KCNN3: variants seen among roughly 807,000 people sequenced by gnomAD.
KCNN3 encodes small conductance calcium-activated potassium channel protein 3.
In KCNN3, 16 loss-of-function variants were observed where a neutral mutation model predicts 62.9. The ratio of observed to expected loss-of-function variants is 0.25; its 90% confidence interval spans 0.17 to 0.39. KCNN3 has a LOEUF of 0.39. Ranked by LOEUF, KCNN3 falls within the 10% of genes least tolerant of loss-of-function variation. The pLI, the probability that KCNN3 is intolerant of heterozygous loss-of-function variation, is 1.00. For missense variants in KCNN3, 599 were observed against 949.4 expected, an observed-to-expected ratio of 0.63 and a Z score of 4.85; for synonymous variants, 370 against 389.2, an observed-to-expected ratio of 0.95 and a Z score of 0.58.
At chr1:154,771,262 G>A (rs1648548669) in intron 3 of KCNN3, among the ~76,000 whole-genome samples, 1 of 152,012 alleles carries the variant, frequency 6.6e-6, no homozygotes, top group South Asian at 2.1e-4. Flanking sequence ...TCTCTGTCAG[G>A]CCACATCTCC....
At chr1:154,766,337 C>T (rs899753650) in intron 3 of KCNN3, among the ~76,000 whole-genome samples, 2 of 148,080 alleles carry the variant, frequency 1.4e-5, no homozygotes, top group African/African-American at 5.0e-5. Context: ...TGAGCATGCC[C>T]TCCTCCATTA....
chr1:154,820,629 C>A (rs1477258183), intron 2 of KCNN3, among the ~76,000 whole-genome samples: 1 of 152,206 alleles, frequency 6.6e-6, no homozygotes, highest in Non-Finnish European at 1.5e-5. Flanking sequence ...GTCCTCCCTG[C>A]CTGTACTCCT....
At chr1:154,729,315 A>C (rs1306665690) in intron 4 of KCNN3, among the ~76,000 whole-genome samples, 1 of 152,106 alleles carries the variant, frequency 6.6e-6, no homozygotes, top group Non-Finnish European at 1.5e-5. Context: ...GCTCTGTCCA[A>C]CTTCCAGTTC....
At chr1:154,771,350 C>A (rs1048584921) in intron 3 of KCNN3, among the ~76,000 whole-genome samples, 1 of 152,168 alleles carries the variant, frequency 6.6e-6, no homozygotes, top group Non-Finnish European at 1.5e-5. Context: ...AAGTATGTTC[C>A]ATCAGTACAG....
rs976696529 is a variant in KCNN3, at chr1:154,814,354, G to A, written c.1029+7735C>T. Among the ~76,000 whole-genome samples the A allele has an allele frequency of 4.6e-5, 7 of 152,220 alleles. 1 individual carries two copies. Among genetic ancestry groups the A allele is most frequent in the Middle Eastern group, 3.2e-3 (1 of 316 alleles). On this transcript the variant is annotated intron_variant, in intron 2 of 7. Coordinates refer to ENST00000271915, the MANE Select transcript of KCNN3 (RefSeq NM_002249.6). Reference sequence around the variant, plus strand: ...CTCATGCCTTTGGGGGTCCAACAGTGAAACCAATACAGTCCCCACTGCCAT... The same window carrying A: ...CTCATGCCTTTGGGGGTCCAACAGTAAAACCAATACAGTCCCCACTGCCAT...
At chr1:154,867,860 G>T in intron 1 of KCNN3, 3 of 712,914 alleles carry the variant, frequency 4.2e-6, no homozygotes, top group Non-Finnish European at 5.2e-6. Flanking sequence ...GTATCGTGGA[G>T]CCACTTGTCC....
At chr1:154,732,848 C>T (rs1700625675) in intron 4 of KCNN3, among the ~76,000 whole-genome samples, 155 bp downstream of exon 4, 1 of 152,246 alleles carries the variant, frequency 6.6e-6, no homozygotes, top group African/African-American at 2.4e-5. Flanking sequence ...AGATTTCCCA[C>T]CTGACATTTT....
chr1:154,859,914 A>T (rs1652695512), intron 1 of KCNN3: 1 of 1,239,402 alleles, frequency 8.1e-7, no homozygotes, highest in African/African-American at 1.5e-5. Context: ...AAAATAACAG[A>T]TGCCAATTTG....
At chr1:154,755,951 G>A (rs1320979611) in intron 3 of KCNN3, among the ~76,000 whole-genome samples, 2 of 135,226 alleles carry the variant, frequency 1.5e-5, no homozygotes, top group African/African-American at 2.9e-5. Context: ...GGGAGGGGAG[G>A]AGGAGGAGGG....
intron 2 of KCNN3, among the ~76,000 whole-genome samples, chr1:154,820,399 C>G (rs1252512499): frequency 3.3e-5 from 5 of 152,246 alleles, no homozygotes; most frequent in Admixed American, 3.3e-4. Context: ...CTTCCTCAAG[C>G]CTGGGTCATA....
chr1:154,826,080 CAAA>C (rs1651112313), intron 1 of KCNN3, among the ~76,000 whole-genome samples: 1 of 14,606 alleles, frequency 6.8e-5, no homozygotes, highest in Non-Finnish European at 1.1e-4. Flanking sequence ...AAAACAAAAA[CAAA>C]AACAAAAAAA....
intron 1 of KCNN3, among the ~76,000 whole-genome samples, chr1:154,833,328 C>A (rs541905065): frequency 6.6e-6 from 1 of 152,130 alleles, no homozygotes; most frequent in East Asian, 1.9e-4. Flanking sequence ...GAAAAACAAC[C>A]GCCTGCAGGC....
intron 3 of KCNN3, among the ~76,000 whole-genome samples, chr1:154,734,636 G>A (rs755502124): frequency 6.6e-6 from 1 of 152,174 alleles, no homozygotes; most frequent in Non-Finnish European, 1.5e-5. Flanking sequence ...TCTAGAGATG[G>A]GCCTGGAAGG....
At chr1:154,856,932 TG>T (rs1203086560) in intron 1 of KCNN3, among the ~76,000 whole-genome samples, 1 of 151,884 alleles carries the variant, frequency 6.6e-6, no homozygotes, top group Non-Finnish European at 1.5e-5. Context: ...CTTCAGGAAA[TG>T]GGGGGAAGGG....
At chr1:154,865,291 CAG>C (rs1652909794) in intron 1 of KCNN3, among the ~76,000 whole-genome samples, 1 of 151,840 alleles carries the variant, frequency 6.6e-6, no homozygotes, top group Non-Finnish European at 1.5e-5. Flanking sequence ...AGATTCTCAA[CAG>C]AATCTCTAGA....
At chr1:154,744,048 G>A (rs1700883414) in intron 3 of KCNN3, among the ~76,000 whole-genome samples, 1 of 152,116 alleles carries the variant, frequency 6.6e-6, no homozygotes, top group Admixed American at 6.5e-5. Context: ...CAGCAGGCCA[G>A]CTTCTCCCGA....
At chr1:154,844,723 G>A (rs969082830) in intron 1 of KCNN3, among the ~76,000 whole-genome samples, 2 of 152,164 alleles carry the variant, frequency 1.3e-5, no homozygotes, top group Non-Finnish European at 2.9e-5. Context: ...GGAAACTAGG[G>A]GGCCAGTTGC....
rs139923068 is a variant in KCNN3, at chr1:154,747,169, T to C, written c.1449-14025A>G. 3.8e-3 allele frequency among the ~76,000 whole-genome samples: 582 copies of C among 152,230 alleles called. 5 individuals carry two copies. Among genetic ancestry groups the C allele is most frequent in the African/African-American group, 0.013 (546 of 41,528 alleles). On this transcript the variant is annotated intron_variant, in intron 3 of 7. Coordinates refer to ENST00000271915, the MANE Select transcript of KCNN3 (RefSeq NM_002249.6). The stretch of plus-strand genomic sequence containing the variant: ...ATCCAGTGAGTCAGTCCGGTGGAGG[T>C]TGGCTCCTCTAGCTCTCTCAAAACT...
At chr1:154,838,950 T>C (rs1418889488) in intron 1 of KCNN3, among the ~76,000 whole-genome samples, 1 of 152,192 alleles carries the variant, frequency 6.6e-6, no homozygotes, top group Non-Finnish European at 1.5e-5. Context: ...CTCCCGAAGC[T>C]ACTTTACCTA....
Sources: allele counts gnomAD v4.1 joint callset (sites outside exome capture counted in the v4.1 genomes callset), GRCh38; gene constraint gnomAD v4.1.1; transcripts MANE v1.5; gene names NCBI Gene and HGNC (gene_info 2026-07-23, HGNC 2026-07-21).